ZNF385D: variants seen among roughly 807,000 people sequenced by gnomAD.
ZNF385D encodes zinc finger protein 659.
Under a neutral mutation model 35.8 loss-of-function variants are expected in ZNF385D, and 15 were observed. The observed-to-expected ratio is 0.42, with a 90% CI of 0.28 to 0.64. ZNF385D has a LOEUF of 0.64. ZNF385D is among the 30% of genes least tolerant of loss of function. The probability of loss-of-function intolerance (pLI) is 0.23; values close to 1 mark genes in which losing one functional copy is unlikely to be tolerated. For missense variants in ZNF385D, 474 were observed against 494.6 expected (o/e 0.96, Z 0.39); for synonymous variants, 212 against 186.8 (o/e 1.13, Z -1.10).
intron 3 of ZNF385D, among the ~76,000 whole-genome samples, chr3:22,100,027 T>C (rs1246429023): frequency 6.6e-6 from 1 of 151,630 alleles, no homozygotes; most frequent in Non-Finnish European, 1.5e-5. Context: ...GCAAAGGATA[T>C]GAACAGACAC....
At chr3:21,492,776 A>AAAAT (rs60627008) in intron 4 of ZNF385D, among the ~76,000 whole-genome samples, 28,388 of 140,824 alleles carry the variant, frequency 0.2, 2,954 homozygotes, top group Admixed American at 0.28. Flanking sequence ...CTCTGTTTCA[A>AAAAT]AAATAAATAA....
chr3:21,715,524 T>A (rs73046243), intron 1 of ZNF385D, among the ~76,000 whole-genome samples: 1 of 152,184 alleles, frequency 6.6e-6, no homozygotes, highest in Non-Finnish European at 1.5e-5. Context: ...GGTGATTCCA[T>A]ATCTTTGCTA....
chr3:22,125,271 T>C (rs534028427), intron 3 of ZNF385D, among the ~76,000 whole-genome samples: 5 of 152,174 alleles, frequency 3.3e-5, no homozygotes, highest in Non-Finnish European at 7.4e-5. Flanking sequence ...TTCACTAGTG[T>C]ATGCATCTGT....
chr3:21,684,949 T>C (rs1192005646), intron 1 of ZNF385D, among the ~76,000 whole-genome samples: 1 of 152,160 alleles, frequency 6.6e-6, no homozygotes, highest in Non-Finnish European at 1.5e-5. Context: ...CGTATGGCAA[T>C]TTGGAAAATT....
intron 3 of ZNF385D, among the ~76,000 whole-genome samples, chr3:21,551,617 C>T (rs1323829751): frequency 6.6e-6 from 1 of 152,046 alleles, no homozygotes; most frequent in East Asian, 1.9e-4. Flanking sequence ...ACTAATTTGC[C>T]TAGGTCACAT....
At chr3:21,808,375 G>A (rs929939180) in intron 3 of ZNF385D, among the ~76,000 whole-genome samples, 1 of 152,108 alleles carries the variant, frequency 6.6e-6, no homozygotes. Context: ...TAGAAGCTAT[G>A]ACTCCAGATT....
chr3:22,099,527 G>A (rs1028334782), intron 3 of ZNF385D, among the ~76,000 whole-genome samples: 1 of 152,084 alleles, frequency 6.6e-6, no homozygotes, highest in African/African-American at 2.4e-5. Flanking sequence ...CAGAGAGAAT[G>A]GGATTTGTAG....
intron 3 of ZNF385D, among the ~76,000 whole-genome samples, chr3:21,848,701 C>T (rs549536803): frequency 6.6e-6 from 1 of 152,038 alleles, no homozygotes; most frequent in East Asian, 1.9e-4. Flanking sequence ...AATAGAATGC[C>T]TGAATAGTCG....
intron 3 of ZNF385D, among the ~76,000 whole-genome samples, chr3:22,099,770 T>C (rs1354392060): frequency 4.6e-5 from 7 of 151,906 alleles, no homozygotes; most frequent in Non-Finnish European, 1.0e-4. Flanking sequence ...ACATCCTGAT[T>C]GGGGTCTTTG....
At chr3:21,931,020 T>G (rs932973541) in intron 3 of ZNF385D, among the ~76,000 whole-genome samples, 3 of 151,988 alleles carry the variant, frequency 2.0e-5, no homozygotes, top group Admixed American at 6.6e-5. Flanking sequence ...GACAATGAAA[T>G]GCCAAGTCAT....
At position 21,902,916 on chromosome 3, in the gene ZNF385D, T is replaced by C. The variant is rs917330478; in HGVS notation, c.326-237888A>G. Among the ~76,000 whole-genome samples the C allele has an allele frequency of 2.6e-5, 4 of 152,178 alleles. No individual in the cohort carries two copies. In the South Asian group the frequency reaches 8.3e-4, roughly 32 times the overall value. On this transcript the variant is annotated intron_variant, in intron 3 of 5. Transcript: ENST00000494108. ...GGCTGCTTTACTGAAGAGTTTTATT[T>C]TGATAGACTTTCAGTGGTCTTTGTT...
At chr3:22,228,264 T>C (rs1698679846) in intron 2 of ZNF385D, among the ~76,000 whole-genome samples, 1 of 152,178 alleles carries the variant, frequency 6.6e-6, no homozygotes, top group South Asian at 2.1e-4. Context: ...TCATGTTCCC[T>C]GGGAGGTGGC....
At chr3:21,900,805 C>T (rs1048496603) in intron 3 of ZNF385D, among the ~76,000 whole-genome samples, 2 of 152,142 alleles carry the variant, frequency 1.3e-5, no homozygotes, top group African/African-American at 4.8e-5. Flanking sequence ...AGTAAAAGGT[C>T]TCTAGTGACT....
chr3:22,058,959 G>T (rs1424842085), intron 3 of ZNF385D, among the ~76,000 whole-genome samples: 1 of 152,100 alleles, frequency 6.6e-6, no homozygotes, highest in Non-Finnish European at 1.5e-5. Context: ...TACTAGCTAA[G>T]AATATAATCG....
intron 1 of ZNF385D, among the ~76,000 whole-genome samples, chr3:21,694,460 G>C (rs1242598643): frequency 6.6e-6 from 1 of 152,120 alleles, no homozygotes; most frequent in East Asian, 1.9e-4. Flanking sequence ...GGATTCTCCT[G>C]CTCAATATGG....
chr3:21,595,598 A>G (rs1047749764), intron 2 of ZNF385D, among the ~76,000 whole-genome samples: 4 of 151,918 alleles, frequency 2.6e-5, no homozygotes, highest in African/African-American at 9.7e-5. Flanking sequence ...CATCTCTAGA[A>G]ATTGGAATGG....
intron 3 of ZNF385D, among the ~76,000 whole-genome samples, chr3:21,784,940 A>C (rs768842451): frequency 3.9e-5 from 6 of 152,020 alleles, no homozygotes; most frequent in Non-Finnish European, 8.8e-5. Flanking sequence ...TTGCATTCAA[A>C]TATTATTTAT....
At chr3:22,244,847 A>T (rs2125319579) in intron 2 of ZNF385D, among the ~76,000 whole-genome samples, 1 of 143,942 alleles carries the variant, frequency 6.9e-6, no homozygotes, top group African/African-American at 2.7e-5. Context: ...TCTGCTATAC[A>T]ACTTGGGCTG....
chr3:22,045,071 G>A (rs1236460025), intron 3 of ZNF385D, among the ~76,000 whole-genome samples: 1 of 151,890 alleles, frequency 6.6e-6, no homozygotes, highest in Non-Finnish European at 1.5e-5. Context: ...CAACTTTACT[G>A]TACTTGTTTA....
Sources: allele counts gnomAD v4.1 joint callset (sites outside exome capture counted in the v4.1 genomes callset), GRCh38; gene constraint gnomAD v4.1.1; transcripts MANE v1.5; gene names NCBI Gene and HGNC (gene_info 2026-07-23, HGNC 2026-07-21).